HYDIN: variants seen among roughly 807,000 people sequenced by gnomAD.
HYDIN encodes HYDIN axonemal central pair apparatus protein.
HYDIN carries 132 observed loss-of-function variants against 403.9 expected under a neutral mutation model. The ratio of observed to expected loss-of-function variants is 0.33; its 90% CI spans 0.28 to 0.38. HYDIN has a LOEUF of 0.38. HYDIN is among the 10% of genes least tolerant of loss of function. HYDIN has a pLI of 1.00. For synonymous variants in HYDIN, 1,202 were observed against 1,891.7 expected (o/e 0.64, Z 9.46); for missense variants, 2,827 against 5,009.5 (o/e 0.56, Z 13.15).
intron 53 of HYDIN, among the ~76,000 whole-genome samples, chr16:70,900,693 T>C: frequency 6.6e-6 from 1 of 150,792 alleles, no homozygotes; most frequent in Admixed American, 6.6e-5. Context: ...CTTACCTAGG[T>C]ATAGCAACAC....
chr16:70,851,117 C>T (rs1387177210), intron 73 of HYDIN, among the ~76,000 whole-genome samples: 3 of 144,666 alleles, frequency 2.1e-5, no homozygotes, highest in Admixed American at 7.3e-5. Context: ...TCGTAGACAT[C>T]AGCCTTGGAA....
chr16:71,145,219 C>T (rs1428860397), intron 7 of HYDIN, among the ~76,000 whole-genome samples: 1 of 151,412 alleles, frequency 6.6e-6, no homozygotes, highest in African/African-American at 2.4e-5. Context: ...AACATCAGAA[C>T]CTCAGGAGGT....
chr16:71,187,471 CT>C (rs554272337), intron 1 of HYDIN, among the ~76,000 whole-genome samples: 34 of 152,274 alleles, frequency 2.2e-4, no homozygotes, highest in African/African-American at 8.2e-4. Flanking sequence ...TGGCATCTCC[CT>C]TTTGCATATT....
At chr16:71,026,744 C>A (rs969494081) in intron 20 of HYDIN, among the ~76,000 whole-genome samples, 1 of 152,240 alleles carries the variant, frequency 6.6e-6, no homozygotes, top group Non-Finnish European at 1.5e-5. Context: ...AAGAAATAAT[C>A]TAATGAAATA....
intron 13 of HYDIN, among the ~76,000 whole-genome samples, chr16:71,074,510 C>T (rs923692267): frequency 4.6e-5 from 7 of 151,114 alleles, no homozygotes; most frequent in African/African-American, 7.3e-5. Flanking sequence ...GGTGAAACCC[C>T]GTCTCTACAA....
At chr16:71,029,255 T>C (rs1029598854) in intron 19 of HYDIN, among the ~76,000 whole-genome samples, 95 of 141,362 alleles carry the variant, frequency 6.7e-4, no homozygotes, top group Non-Finnish European at 1.3e-3. Flanking sequence ...GAAATGGGCA[T>C]GGCTGTGTTC....
chr16:70,974,694 T>G (rs1349757975), intron 31 of HYDIN, 24 bp from the exon 32 acceptor site: 1 of 996,556 alleles, frequency 1.0e-6, no homozygotes, highest in East Asian at 2.6e-5. Context: ...TAGACCTTAC[T>G]AGTCACTTTC....
chr16:70,842,369 C>T (rs1277668309), intron 75 of HYDIN, among the ~76,000 whole-genome samples: 1 of 151,764 alleles, frequency 6.6e-6, no homozygotes, highest in Non-Finnish European at 1.5e-5. Context: ...GGGACTCTGT[C>T]GTTACATGCA....
chr16:71,049,875 GA>G (rs1242626203), intron 18 of HYDIN, among the ~76,000 whole-genome samples: 2 of 142,730 alleles, frequency 1.4e-5, no homozygotes, highest in African/African-American at 5.2e-5. Context: ...GCCAAAATCA[GA>G]CAGGATTTGC....
intron 84 of HYDIN, among the ~76,000 whole-genome samples, chr16:70,812,864 C>A (rs891914263): frequency 6.6e-6 from 1 of 152,166 alleles, no homozygotes; most frequent in African/African-American, 2.4e-5. Context: ...CCATATGATA[C>A]CAGGGGCTGA....
chr16:71,096,341 A>G (rs2083277202), intron 10 of HYDIN, among the ~76,000 whole-genome samples: 1 of 152,062 alleles, frequency 6.6e-6, no homozygotes, highest in Non-Finnish European at 1.5e-5. Context: ...GTTCCTAGGC[A>G]TGGTTGCATT....
chr16:70,883,845 A>G, intron 59 of HYDIN, 75 bp downstream of exon 59: 5 of 1,536,288 alleles, frequency 3.3e-6, no homozygotes, highest in Non-Finnish European at 4.4e-6. Flanking sequence ...TGCTGGGATC[A>G]CAAGCGTGAG....
intron 23 of HYDIN, among the ~76,000 whole-genome samples, chr16:70,994,519 C>T (rs1388425117): frequency 6.6e-6 from 1 of 151,748 alleles, no homozygotes; most frequent in Non-Finnish European, 1.5e-5. Flanking sequence ...TTACCTCTGG[C>T]TGAAACCACT....
chr16:71,229,056 A>T (rs2041164582), intron 1 of HYDIN, among the ~76,000 whole-genome samples: 1 of 151,276 alleles, frequency 6.6e-6, no homozygotes, highest in Non-Finnish European at 1.5e-5. Context: ...TATCACAAGG[A>T]CAAAAAACCA....
intron 10 of HYDIN, among the ~76,000 whole-genome samples, chr16:71,105,116 T>C (rs891049178): frequency 6.6e-6 from 1 of 151,726 alleles, no homozygotes; most frequent in Non-Finnish European, 1.5e-5. Flanking sequence ...ATTCAAACTA[T>C]ATATAACTTC....
chr16:71,200,375 G>A (rs1286608177), intron 1 of HYDIN, among the ~76,000 whole-genome samples: 3 of 152,168 alleles, frequency 2.0e-5, no homozygotes, highest in East Asian at 1.9e-4. Context: ...GGTCTGGATC[G>A]GGACCCCTTT....
chr16:70,930,179 A>G (rs1168991885), intron 45 of HYDIN, among the ~76,000 whole-genome samples: 2 of 152,228 alleles, frequency 1.3e-5, no homozygotes, highest in South Asian at 4.1e-4. Context: ...CCACACCACA[A>G]TAGAAAAAAC....
chr16:71,216,465 A>G (rs1425428077), intron 1 of HYDIN, among the ~76,000 whole-genome samples: 2 of 152,204 alleles, frequency 1.3e-5, no homozygotes, highest in East Asian at 3.9e-4. Context: ...GAACCCAAGA[A>G]TGACTGTAAA....
At chr16:71,213,196 C>A (rs183559303) in intron 1 of HYDIN, among the ~76,000 whole-genome samples, 64 of 152,040 alleles carry the variant, frequency 4.2e-4, no homozygotes, top group African/African-American at 1.3e-3. Context: ...GCAATTCAGG[C>A]AAAACGAAAG....
Sources: allele counts gnomAD v4.1 joint callset (sites outside exome capture counted in the v4.1 genomes callset), GRCh38; gene constraint gnomAD v4.1.1; transcripts MANE v1.5; gene names NCBI Gene and HGNC (gene_info 2026-07-23, HGNC 2026-07-21).